SYT16: variants seen among roughly 807,000 people sequenced by gnomAD.
SYT16 encodes synaptotagmin 16.
A neutral mutation model predicts 61.4 loss-of-function variants in SYT16; 42 were observed. That is an observed-to-expected ratio of 0.68 (90% CI 0.53 to 0.89). SYT16 has a LOEUF of 0.89. Ranked by LOEUF, SYT16 falls within the 40% of genes least tolerant of loss-of-function variation. The pLI is 0.00. For synonymous variants in SYT16, 314 were observed against 302.3 expected, an observed-to-expected ratio of 1.04 and a Z score of -0.40; for missense variants, 804 against 807.3, an observed-to-expected ratio of 1.00 and a Z score of 0.05.
chr14:62,014,966 CT>C (rs1271275845), intron 3 of SYT16, among the ~76,000 whole-genome samples: 1 of 152,152 alleles, frequency 6.6e-6, no homozygotes, highest in Non-Finnish European at 1.5e-5. Flanking sequence ...CTCCCCCAAC[CT>C]TGTGCCTTCC....
intron 1 of SYT16, among the ~76,000 whole-genome samples, chr14:61,937,017 G>A (rs1028582076): frequency 6.6e-6 from 1 of 152,214 alleles, no homozygotes; most frequent in African/African-American, 2.4e-5. Context: ...CCATGAACTT[G>A]TCTTACAGAC....
chr14:61,920,452 T>C (rs2049288144), intron 1 of SYT16, among the ~76,000 whole-genome samples: 1 of 152,080 alleles, frequency 6.6e-6, no homozygotes, highest in South Asian at 2.1e-4. Flanking sequence ...CAGGCCCCGG[T>C]GTGTGATGAA....
intron 1 of SYT16, among the ~76,000 whole-genome samples, chr14:61,963,146 A>G (rs559798452): frequency 1.3e-4 from 20 of 152,236 alleles, no homozygotes; most frequent in African/African-American, 4.6e-4. Flanking sequence ...AGACACAACA[A>G]TATTAAAATT....
intron 4 of SYT16, among the ~76,000 whole-genome samples, chr14:62,070,334 T>A (rs2140943602): frequency 6.6e-6 from 1 of 152,302 alleles, no homozygotes; most frequent in Non-Finnish European, 1.5e-5. Flanking sequence ...GTAATAATAT[T>A]AAATAACCTT....
chr14:62,082,954 G>A (rs1206124112), intron 6 of SYT16, among the ~76,000 whole-genome samples: 2 of 152,234 alleles, frequency 1.3e-5, no homozygotes, highest in African/African-American at 2.4e-5. Context: ...AATTTGATGG[G>A]AGAGGCAAGC....
intron 3 of SYT16, among the ~76,000 whole-genome samples, chr14:62,033,322 A>G (rs2054378366): frequency 6.6e-6 from 1 of 152,122 alleles, no homozygotes; most frequent in Non-Finnish European, 1.5e-5. Flanking sequence ...AATATGACTG[A>G]TAAGTGTATA....
chr14:62,016,661 T>C (rs1414734883), intron 3 of SYT16, among the ~76,000 whole-genome samples: 1 of 151,770 alleles, frequency 6.6e-6, no homozygotes, highest in Non-Finnish European at 1.5e-5. Context: ...TGAAGTGAGC[T>C]GAGATCACAC....
chr14:62,099,958 AGT>A (rs1462188953), intron 7 of SYT16, among the ~76,000 whole-genome samples: 2 of 152,198 alleles, frequency 1.3e-5, no homozygotes, highest in African/African-American at 4.8e-5. Flanking sequence ...ATATGTAGAG[AGT>A]GAGAAAAGAA....
chr14:61,993,069 A>G lies in SYT16; in HGVS notation c.-144-2807A>G, dbSNP rs533906592. Among the ~76,000 whole-genome samples the G allele has an allele frequency of 5.3e-5, 8 of 152,264 alleles. 1 individual carries two copies. In the South Asian group the frequency reaches 1.7e-3, roughly 32 times the overall value. On this transcript the variant is annotated intron_variant, in intron 2 of 7. Coordinates refer to ENST00000683842, the MANE Select transcript of SYT16 (RefSeq NM_001367656.1). ...CAGAGATTATAGAAACCAAGGGGAT[A>G]TGAGGCCAAGAATATGAGCTGTACT...
intron 3 of SYT16, among the ~76,000 whole-genome samples, chr14:62,050,586 C>A (rs1046419600): frequency 6.6e-6 from 1 of 152,142 alleles, no homozygotes; most frequent in African/African-American, 2.4e-5. Context: ...CTCCGTTTTT[C>A]CCCCATCTTT....
chr14:61,985,938 G>A (rs934679236), intron 2 of SYT16, among the ~76,000 whole-genome samples: 15 of 152,168 alleles, frequency 9.9e-5, no homozygotes, highest in African/African-American at 3.6e-4. Flanking sequence ...TCCAATGGAG[G>A]TGGCTAAGGG....
intron 1 of SYT16, among the ~76,000 whole-genome samples, chr14:61,851,725 T>G (rs1467407439): frequency 6.6e-6 from 1 of 152,266 alleles, no homozygotes; most frequent in Non-Finnish European, 1.5e-5. Context: ...AAGTGTCTAT[T>G]CATGTCTTTT....
chr14:61,949,818 G>A (rs1239416223), intron 1 of SYT16, among the ~76,000 whole-genome samples: 1 of 152,106 alleles, frequency 6.6e-6, no homozygotes, highest in Non-Finnish European at 1.5e-5. Flanking sequence ...GGGTAGCTCC[G>A]TACCCTTAGA....
rs895638238 is a variant in SYT16 at position 61,944,970 on chromosome 14, A to G, written c.-324-25162A>G. Among the ~76,000 whole-genome samples the G allele has an allele frequency of 3.3e-5, 5 of 152,116 alleles. 1 individual carries two copies. Among genetic ancestry groups the G allele is most frequent in the Non-Finnish European group, 2.9e-5 (2 of 68,028 alleles). On this transcript the variant is annotated intron_variant, in intron 1 of 7. Coordinates refer to ENST00000683842, the MANE Select transcript of SYT16 (RefSeq NM_001367656.1). ...CAGGCAACCTACAGAACGGGAGAAA[A>G]TTTTTGCAATCTATCTGTCTGACAA...
At chr14:61,859,963 T>TAA (rs2046915725) in intron 1 of SYT16, among the ~76,000 whole-genome samples, 1 of 152,288 alleles carries the variant, frequency 6.6e-6, no homozygotes, top group Non-Finnish European at 1.5e-5. Context: ...CGGGGACATA[T>TAA]AAAACAAGTC....
intron 3 of SYT16, among the ~76,000 whole-genome samples, chr14:62,002,139 G>C (rs1167946874): frequency 6.6e-6 from 1 of 152,010 alleles, no homozygotes; most frequent in Admixed American, 6.6e-5. Flanking sequence ...TGTAATTTAT[G>C]ACTGAAAATA....
intron 3 of SYT16, among the ~76,000 whole-genome samples, chr14:62,067,908 C>T (rs952592036): frequency 9.2e-5 from 14 of 152,262 alleles, no homozygotes; most frequent in Admixed American, 3.9e-4. Context: ...ATTGCTTGAA[C>T]CTAGGAGACA....
At chr14:62,057,396 G>C (rs763558776) in intron 3 of SYT16, among the ~76,000 whole-genome samples, 2 of 152,174 alleles carry the variant, frequency 1.3e-5, no homozygotes, top group African/African-American at 4.8e-5. Flanking sequence ...ACCTTAGTTC[G>C]TGGCTGTTGG....
At chr14:61,973,625 G>T (rs1311098446) in intron 2 of SYT16, among the ~76,000 whole-genome samples, 2 of 152,134 alleles carry the variant, frequency 1.3e-5, no homozygotes, top group African/African-American at 2.4e-5. Flanking sequence ...GCGGGAGAGA[G>T]AAAGAATATT....
Sources: allele counts gnomAD v4.1 joint callset (sites outside exome capture counted in the v4.1 genomes callset), GRCh38; gene constraint gnomAD v4.1.1; transcripts MANE v1.5; gene names NCBI Gene and HGNC (gene_info 2026-07-23, HGNC 2026-07-21).